The following MYH3 variants were observed in gnomAD, a reference collection of about 807,000 sequenced individuals.
The protein encoded by MYH3 is myosin heavy chain 3.
In MYH3, 130 loss-of-function variants were observed where a neutral mutation model predicts 238.0. The observed-to-expected ratio is 0.55, with a 90% confidence interval of 0.47 to 0.63. MYH3 has a LOEUF of 0.63. MYH3 is among the 30% of genes least tolerant of loss of function. The probability of loss-of-function intolerance (pLI) is 0.00; values close to 1 mark genes in which losing one functional copy is unlikely to be tolerated. For missense variants in MYH3, 1,853 were observed against 2,374.9 expected (o/e 0.78, Z 4.57); for synonymous variants, 880 against 924.1 (o/e 0.95, Z 0.86).
In MYH3 at chr17:10,634,934, C is replaced by T. The variant is rs781774391; in HGVS notation, c.4262G>A (p.Arg1421Lys). ...KCASLEKTKQ[R>K]LQGEVEDLMV... ...CAGATCCTCCACCTCTCCTTGCAGC[C>T]TCTGCTTGGTCTTCTCCAGTGAAGC... Residue 1421 changes from arginine to lysine, a missense_variant, in exon 31 of 41, where the codon AGG becomes AAG. Arg to Lys is a conservative substitution (Grantham distance 26). This residue lies in a region of MYH3 where 1,044 missense variants were observed against 1,192.6 expected (regional missense o/e 0.88). Transcript: ENST00000583535. 3.1e-5 allele frequency: 50 copies of T among 1,614,158 alleles called. No individual in the cohort carries two copies. The highest frequency in any genetic ancestry group is 4.2e-5 in the Non-Finnish European group (50 of 1,180,030).
At chr17:10,644,821 C>T in intron 12 of MYH3, 119 bp from the exon 13 acceptor site, 1 of 797,184 alleles carries the variant, frequency 1.3e-6, no homozygotes, top group Admixed American at 2.0e-5. Flanking sequence ...TGTGGCTAAA[C>T]TGCATATACA....
intron 14 of MYH3, 75 bp from the exon 15 acceptor site, chr17:10,643,071 A>T (rs777051627): frequency 6.2e-7 from 1 of 1,612,388 alleles, no homozygotes; most frequent in Non-Finnish European, 8.5e-7. Context: ...ATTCCTCCTC[A>T]TTGCCCCAGG....
rs115116711 is a variant in MYH3 at position 10,644,831 on chromosome 17, A to G, written c.1142-129T>C. ...TTCCCTGTGGCTAAACTGCATATAC[A>G]TGGCCAATGGAAGCTAAGTCACTCA... On this transcript the variant is annotated intron_variant, in intron 12 of 40. Coordinates refer to ENST00000583535, the MANE Select transcript of MYH3 (RefSeq NM_002470.4). 6.5e-4 allele frequency: 486 copies of G among 749,868 alleles called. 3 individuals are homozygous for G. The African/African-American group carries it at 7.6e-3, about 12-fold the overall frequency. The allele number at this position is 749,868 out of a possible 1,614,324, so 46.5% of individuals were successfully genotyped here. A position where few individuals can be genotyped will look rare whatever the true frequency, so the allele number is the denominator to read the frequency against.
chr17:10,640,678 A>G lies in MYH3; in HGVS notation c.2174T>C (p.Val725Ala). 2.5e-6 allele frequency: 4 copies of G among 1,614,150 alleles called. No individual in the cohort carries two copies. The South Asian group carries it at 3.3e-5, about 13-fold the overall frequency. ...CTCAGGGATTGCACTGGCATTCAGC[A>G]CTCGGTATCTGCATTGTAGACATGG... is the stretch of plus-strand genomic sequence containing the variant. ...LYGDFKQRYR[V>A]LNASAIPEGQ... is the part of the protein sequence containing the mutation. The change falls in exon 20 of 41, where the codon GTG becomes GCG. Residue 725 changes from valine (V) to alanine (A), a missense_variant. Physicochemically the swap from Val to Ala is moderately conservative, Grantham distance 64. This residue lies in a region of MYH3 where 678 missense variants were observed against 1,058.9 expected (regional missense o/e 0.64). Transcript: ENST00000583535.
upstream of MYH3, among the ~76,000 whole-genome samples, chr17:10,659,743 C>T (rs1171081804): frequency 2.0e-5 from 3 of 152,202 alleles, no homozygotes; most frequent in South Asian, 6.2e-4. Flanking sequence ...CCCTGCTGAA[C>T]CATCTCTTTG....
chr17:10,667,760 A>C, the MYH3 span, among the ~76,000 whole-genome samples: 2 of 152,096 alleles, frequency 1.3e-5, no homozygotes, highest in Non-Finnish European at 2.9e-5. Flanking sequence ...GTTAAAAAAA[A>C]AACAGTGTTC....
At position 10,632,676 on chromosome 17, in the gene MYH3, G is replaced by A. The variant is rs775994277; in HGVS notation, c.4756C>T (p.Gln1586Ter). The A allele has an allele frequency of 1.2e-6, 2 of 1,614,156 alleles. No homozygotes were observed. The highest frequency in any genetic ancestry group is 1.6e-4 in the Middle Eastern group (1 of 6,062). ...GTTCTCTGGTAGTTCCTCTTCAGCT[G>A]CTCGATCTCTTCATCCTTCTCGGCG... Reference protein sequence around the residue: ...KIAEKDEEIEQLKRNYQRTVE... With the variant: ...KIAEKDEEIE The change falls in exon 34 of 41, where the codon CAG becomes TAG. Residue 1586 changes from glutamine (Q) to a stop codon, truncating the protein, a stop_gained. Coordinates refer to ENST00000583535, the MANE Select transcript of MYH3 (RefSeq NM_002470.4). LOFTEE classifies it high-confidence loss of function.
chr17:10,648,668 GGAA>G lies in MYH3; in HGVS notation c.643-22_643-20del, dbSNP rs2074346017. 1.3e-6 allele frequency: 2 copies of G among 1,577,988 alleles called. No individual in the cohort carries two copies. The highest frequency in any genetic ancestry group is 8.7e-7 in the Non-Finnish European group (1 of 1,155,466). ...GAGTCCCCTAATGCAAGAAATTGAGGGAAGAAGAGGAAACATTTTTTTTTGAGA... is the reference window on the plus strand; with the variant it reads ...GAGTCCCCTAATGCAAGAAATTGAGGGAAGAGGAAACATTTTTTTTTGAGA... On this transcript the variant is annotated intron_variant, in intron 7 of 40. Transcript: ENST00000583535.
At chr17:10,661,680 G>A (rs1047555666), upstream of MYH3, among the ~76,000 whole-genome samples, 1 of 152,164 alleles carries the variant, frequency 6.6e-6, no homozygotes, top group Non-Finnish European at 1.5e-5. Flanking sequence ...CACCGCCGCC[G>A]TTTGATGTTC....
intron 6 of MYH3, among the ~76,000 whole-genome samples, chr17:10,650,053 G>T (rs1197117036): frequency 6.6e-6 from 1 of 152,074 alleles, no homozygotes; most frequent in East Asian, 1.9e-4. Context: ...CTCACTGCAA[G>T]CTCCGGCTCC....
chr17:10,658,481 TG>T (rs1163338535), upstream of MYH3: 2 of 151,942 alleles, frequency 1.3e-5, no homozygotes, highest in Non-Finnish European at 2.9e-5. Context: ...CTCTGTGCTC[TG>T]GCCCTTACAC....
intron 10 of MYH3, 115 bp downstream of exon 10, chr17:10,647,067 T>G (rs1448830310): frequency 9.6e-6 from 8 of 833,528 alleles, no homozygotes; most frequent in Middle Eastern, 3.5e-4. Context: ...ATAAATAAAA[T>G]AAAATAAACT....
chr17:10,658,150 G>A (rs780527529), upstream of MYH3, among the ~76,000 whole-genome samples: 5 of 152,104 alleles, frequency 3.3e-5, no homozygotes, highest in Non-Finnish European at 7.4e-5. Flanking sequence ...GGCGGACAAG[G>A]GGGGGCTGTC....
chr17:10,637,812 C>G lies in MYH3; in HGVS notation c.3853G>C (p.Ala1285Pro). 4 of 1,614,078 alleles carry G rather than the reference C, an allele frequency of 2.5e-6. No individual in the cohort carries two copies. The highest frequency in any genetic ancestry group is 3.4e-6 in the Non-Finnish European group (4 of 1,180,042). Residue 1285 changes from alanine to proline, a missense_variant, in exon 28 of 41, where the codon GCT becomes CCT. Around this residue, in one of 3 missense-constraint regions of MYH3, gnomAD observed 1,044 missense variants for 1,192.6 expected, o/e 0.88. Transcript: ENST00000583535. ...GGGTTTTCTGCACGTGGCTTACCAGCCTCGGTCTGCAAACGAGACTTCTGT... is the reference window on the plus strand; with the variant it reads ...GGGTTTTCTGCACGTGGCTTACCAGGCTCGGTCTGCAAACGAGACTTCTGT... ...TTQKSRLQTE[A>P]GELSRQLEEK...
the MYH3 span, chr17:10,678,106 ACT>A: frequency 6.6e-6 from 1 of 151,448 alleles, no homozygotes; most frequent in East Asian, 1.9e-4. Flanking sequence ...CAAGAGTGAA[ACT>A]CTGTCTCAAA....
At position 10,629,683 on chromosome 17, in the gene MYH3, G is replaced by A; in HGVS notation, c.5710C>T (p.Leu1904=). The A allele has an allele frequency of 6.2e-7, 1 of 1,614,212 alleles. No individual in the cohort carries two copies. The highest frequency in any genetic ancestry group is 1.6e-4 in the Middle Eastern group (1 of 6,062). The change falls in exon 40 of 41, where the codon CTG becomes TTG. Residue 1904 remains leucine, a synonymous_variant. Coordinates refer to ENST00000583535, the MANE Select transcript of MYH3 (RefSeq NM_002470.4). Reference sequence around the variant, plus strand: ...TCCGCACGTTCCTCGGCCTCCTCCAGCTCATGCTGAGCCTTTCGGAATTTG... The same window carrying A: ...TCCGCACGTTCCTCGGCCTCCTCCAACTCATGCTGAGCCTTTCGGAATTTG... ...LTKFRKAQHE[L]EEAEERADIA...
Position 10,638,402 on chromosome 17 carries a change from C to T in MYH3, c.3370G>A (p.Glu1124Lys), listed in dbSNP as rs1326248221. The T allele has an allele frequency of 6.2e-7, 1 of 1,600,920 alleles. No individual in the cohort carries two copies. The highest frequency in any genetic ancestry group is 1.7e-5 in the Admixed American group (1 of 59,988). ...TTCGCGCGGGTGGCCCTCTCCGCCT[C>T]TATCTCCTCTTCCAGCTCCTCAATT... Reference protein sequence around the residue: ...ARIEELEEEIEAERATRAKTE... With the variant: ...ARIEELEEEIKAERATRAKTE... The change falls in exon 27 of 41, where the codon GAG (glutamate) becomes AAG (lysine). Residue 1124 changes from glutamate to lysine, a missense_variant. This residue lies in a region of MYH3 where 1,044 missense variants were observed against 1,192.6 expected (regional missense o/e 0.88). Coordinates refer to ENST00000583535, the MANE Select transcript of MYH3 (RefSeq NM_002470.4).
In MYH3 at chr17:10,637,258, C is replaced by T. The variant is rs376849789; in HGVS notation, c.3856+551G>A. 2.7e-4 allele frequency among the ~76,000 whole-genome samples: 41 copies of T among 152,150 alleles called. No individual in the cohort carries two copies. The Middle Eastern group carries it at 0.01, about 38-fold the overall frequency. Reference sequence around the variant, plus strand: ...TATTTTTAATAGAGACGGGGTTTCACCATGTCGGCCAGGCTGGTCTTGAAC... The same window carrying T: ...TATTTTTAATAGAGACGGGGTTTCATCATGTCGGCCAGGCTGGTCTTGAAC... On this transcript the variant is annotated intron_variant, in intron 28 of 40. Transcript: ENST00000583535.
the MYH3 span, chr17:10,677,641 AG>A: frequency 1.3e-5 from 2 of 152,246 alleles, no homozygotes; most frequent in African/African-American, 4.8e-5. Context: ...CTTACACTTA[AG>A]ATATCAGCTG....
Sources: allele counts gnomAD v4.1 joint callset (sites outside exome capture counted in the v4.1 genomes callset), GRCh38; gene constraint gnomAD v4.1.1; regional missense constraint gnomAD v4.1.1; transcripts MANE v1.5; gene names NCBI Gene and HGNC (gene_info 2026-07-23, HGNC 2026-07-21).